The following SMIM7 variants were observed in gnomAD, a reference collection of about 807,000 sequenced individuals.
The protein encoded by SMIM7 is UPF0608 protein C19orf42.
In SMIM7, 12 loss-of-function variants were observed where a neutral mutation model predicts 13.3. The observed-to-expected ratio is 0.90, with a 90% CI of 0.58 to 1.46. The LOEUF is 1.46. Among genes scored for constraint, SMIM7 ranks in the 40% most tolerant of loss-of-function variants. The pLI is 0.00. For missense variants in SMIM7, 114 were observed against 94.8 expected, an observed-to-expected ratio of 1.20 and a Z score of -0.84; for synonymous variants, 36 against 35.8, an observed-to-expected ratio of 1.01 and a Z score of -0.02.
intron 4 of SMIM7, chr19:16,634,640 T>TG (rs2086345567): frequency 1.3e-5 from 2 of 150,422 alleles, no homozygotes; most frequent in South Asian, 4.2e-4. Context: ...TAGGGAGGTG[T>TG]GGTGGTGGAT....
At chr19:16,647,388 T>A (rs1292505411) in intron 4 of SMIM7, 127 bp from the exon 5 acceptor site, 2 of 1,122,344 alleles carry the variant, frequency 1.8e-6, no homozygotes, top group Non-Finnish European at 2.6e-6. Context: ...GTCTGATTTT[T>A]TAAAGTAACC....
At chr19:16,630,914 C>T (rs563809379) in exon 5 of SMIM7, 7 of 152,320 alleles carry the variant, frequency 4.6e-5, no homozygotes, top group African/African-American at 1.7e-4. Flanking sequence ...TTGAGACATC[C>T]TTGCCAGGGA....
chr19:16,635,899 A>AAATATATATATAT (rs1200181092), intron 4 of SMIM7, among the ~76,000 whole-genome samples: 2 of 109,600 alleles, frequency 1.8e-5, no homozygotes, highest in African/African-American at 8.7e-5. Context: ...AAAAAAAAAA[A>AAATATATATATAT]ATATATATAT....
rs1299166299 is a variant in SMIM7, at chr19:16,655,030, G to A, written c.122-905C>T. ...TGAGAGCTGCAGAGAGTCAGATACT[G>A]ACTCTAACCCTAACCCTAACCCCAA... On this transcript the variant is annotated intron_variant, in intron 3 of 4. Transcript: ENST00000487416. 4.6e-5 allele frequency among the ~76,000 whole-genome samples: 7 copies of A among 152,256 alleles called. No homozygotes were observed. The East Asian group carries it at 1.2e-3, about 25-fold the overall frequency.
In SMIM7 at chr19:16,653,074, A is replaced by G. The variant is rs149723141; in HGVS notation, c.212+961T>C. On this transcript the variant is annotated intron_variant, in intron 4 of 4. Transcript: ENST00000487416. ...GCAGTGTGCTGGACATTTAAACCATATTTTCCACCTCGGCAGATGCAGAAG... is the reference window on the plus strand; with the variant it reads ...GCAGTGTGCTGGACATTTAAACCATGTTTTCCACCTCGGCAGATGCAGAAG... The G allele has an allele frequency of 1.1e-4, 137 of 1,250,894 alleles. No homozygotes were observed. The African/African-American group carries it at 2.0e-3, about 18-fold the overall frequency. 77.5% of individuals were successfully genotyped at this position (1,250,894 alleles called of 1,614,324 possible). A position where few individuals can be genotyped will look rare whatever the true frequency, so the allele number is the denominator to read the frequency against.
intron 4 of SMIM7, among the ~76,000 whole-genome samples, chr19:16,649,664 A>G (rs1323963600): frequency 5.9e-5 from 9 of 152,220 alleles, no homozygotes; most frequent in Admixed American, 5.9e-4. Flanking sequence ...AATCTGTACA[A>G]AAACTTGTAC....
At chr19:16,648,233 T>C (rs1191299949) in intron 4 of SMIM7, among the ~76,000 whole-genome samples, 2 of 152,084 alleles carry the variant, frequency 1.3e-5, no homozygotes, top group Admixed American at 6.5e-5. Context: ...CTCTGACTCC[T>C]GGGTTCAAGC....
rs748169930 is a variant in SMIM7, at chr19:16,659,455, G to A, written c.69-8C>T. On this transcript the variant is annotated splice_region_variant and splice_polypyrimidine_tract_variant and intron_variant, in intron 2 of 4. Coordinates refer to ENST00000487416, the MANE Select transcript of SMIM7 (RefSeq NM_024104.4). ...TGCGTGTCCTTCTTTTTCCTACAAA[G>A]AGGAGCAGACAGTGTCCACTTTCAA... is the stretch of plus-strand genomic sequence containing the variant. 7.4e-6 allele frequency: 12 copies of A among 1,612,150 alleles called. No individual in the cohort carries two copies. Among genetic ancestry groups the A allele is most frequent in the Non-Finnish European group, 1.0e-5 (12 of 1,179,424 alleles).
At chr19:16,652,169 A>G (rs2086535216) in intron 4 of SMIM7, among the ~76,000 whole-genome samples, 1 of 152,196 alleles carries the variant, frequency 6.6e-6, no homozygotes, top group African/African-American at 2.4e-5. Context: ...AGCTCTGCAA[A>G]TGGCAAACGT....
chr19:16,647,460 T>TC (rs1418110428), intron 4 of SMIM7, among the ~76,000 whole-genome samples, 199 bp from the exon 5 acceptor site: 3 of 150,680 alleles, frequency 2.0e-5, no homozygotes, highest in Non-Finnish European at 4.4e-5. Context: ...AAGAATATAC[T>TC]CTTTTTTTTT....
At chr19:16,652,615 G>C in intron 4 of SMIM7, 2 of 1,287,380 alleles carry the variant, frequency 1.6e-6, no homozygotes, top group Admixed American at 3.8e-5. Flanking sequence ...CTTGGCAACA[G>C]TCTTCCTGGG....
chr19:16,631,890 C>CCGA (rs1568295661), intron 4 of SMIM7, among the ~76,000 whole-genome samples: 3 of 134,880 alleles, frequency 2.2e-5, no homozygotes, highest in Non-Finnish European at 3.3e-5. Context: ...TTTTTTTTTT[C>CCGA]GAGAGAGTCT....
downstream of SMIM7, chr19:16,645,718 G>A (rs1374620289): frequency 1.4e-5 from 2 of 145,662 alleles, no homozygotes; most frequent in Non-Finnish European, 3.0e-5. Flanking sequence ...CTGAAGTGCA[G>A]TGGCTCAATC....
downstream of SMIM7, among the ~76,000 whole-genome samples, chr19:16,641,914 G>A (rs1227210278): frequency 6.6e-6 from 1 of 152,198 alleles, no homozygotes; most frequent in African/African-American, 2.4e-5. Flanking sequence ...ACAAGCCGTG[G>A]GCCAGACATG....
intron 3 of SMIM7, among the ~76,000 whole-genome samples, chr19:16,658,881 T>C (rs1412100336): frequency 6.6e-6 from 1 of 151,238 alleles, no homozygotes; most frequent in Admixed American, 6.6e-5. Flanking sequence ...ATTATAACGG[T>C]AGGAAGTGAT....
At chr19:16,647,919 T>C (rs1031278368) in intron 4 of SMIM7, among the ~76,000 whole-genome samples, 3 of 152,202 alleles carry the variant, frequency 2.0e-5, no homozygotes, top group Non-Finnish European at 2.9e-5. Flanking sequence ...GATTTCCACA[T>C]GCAAAAGAAT....
At chr19:16,649,884 T>C (rs1407413943) in intron 4 of SMIM7, among the ~76,000 whole-genome samples, 2 of 152,064 alleles carry the variant, frequency 1.3e-5, no homozygotes, top group Non-Finnish European at 2.9e-5. Flanking sequence ...GGCCATGCAG[T>C]GTATGACTCC....
At chr19:16,635,153 G>A (rs2086349509) in intron 4 of SMIM7, 1 of 151,680 alleles carries the variant, frequency 6.6e-6, no homozygotes, top group Non-Finnish European at 1.5e-5. Context: ...CTTGAGGCCA[G>A]GAGTTTGAGA....
chr19:16,659,700 C>T, intron 2 of SMIM7: 1 of 648,030 alleles, frequency 1.5e-6, no homozygotes, highest in Admixed American at 2.8e-5. Flanking sequence ...CGCGGTGGGG[C>T]TATTTCTTGG....
Sources: gnomAD v4.1 joint callset for allele counts (sites outside exome capture counted in the v4.1 genomes callset) on GRCh38, gnomAD v4.1.1 for gene constraint, MANE v1.5 for transcripts, NCBI Gene and HGNC (gene_info 2026-07-23, HGNC 2026-07-21) for gene names.